The following RBMS1 variants were observed in gnomAD, a reference collection of about 807,000 sequenced individuals.
RBMS1 encodes RNA binding motif single stranded interacting protein 1, also known as RNA-binding motif, single-stranded-interacting protein 1.
RBMS1 carries 17 observed loss-of-function variants against 62.3 expected under a neutral mutation model. That is an observed-to-expected ratio of 0.27 (90% CI 0.19 to 0.41). The LOEUF is 0.41. Among genes scored for constraint, RBMS1 ranks in the 10% least tolerant of loss-of-function variants. The pLI is 1.00. For synonymous variants in RBMS1, 172 were observed against 170.0 expected, an observed-to-expected ratio of 1.01 and a Z score of -0.09; for missense variants, 334 against 504.5, an observed-to-expected ratio of 0.66 and a Z score of 3.24.
chr2:160,445,077 T>A (rs891325685), intron 1 of RBMS1, among the ~76,000 whole-genome samples: 1 of 152,180 alleles, frequency 6.6e-6, no homozygotes, highest in Non-Finnish European at 1.5e-5. Flanking sequence ...TCAGAAAGAA[T>A]AAAAGATCTA....
rs1553522139 is a variant in RBMS1, at chr2:160,424,377, GA to G, written c.76-56987del. Among the ~76,000 whole-genome samples the G allele has an allele frequency of 2.8e-3, 415 of 147,352 alleles. 4 individuals are homozygous for G. The highest frequency in any genetic ancestry group is 0.01 in the African/African-American group (394 of 38,994). ...AGAGGTGAGAGATTGGGGGGGGGGGGAAACAAAAAGAAAGATGTCTCATACT... is the reference window on the plus strand; with the variant it reads ...AGAGGTGAGAGATTGGGGGGGGGGGGAACAAAAAGAAAGATGTCTCATACT... On this transcript the variant is annotated intron_variant, in intron 1 of 13. Transcript: ENST00000348849.
intron 2 of RBMS1, among the ~76,000 whole-genome samples, chr2:160,322,095 C>G (rs1032509056): frequency 3.3e-5 from 5 of 152,222 alleles, no homozygotes; most frequent in African/African-American, 9.6e-5. Context: ...GTCCTAGACA[C>G]TGTGCCAGGT....
chr2:160,345,978 A>G (rs1692153246), intron 2 of RBMS1, among the ~76,000 whole-genome samples: 1 of 152,128 alleles, frequency 6.6e-6, no homozygotes, highest in Admixed American at 6.5e-5. Flanking sequence ...TAGTAACTTC[A>G]CTTTTCACTT....
rs924370284 is a variant in RBMS1, at chr2:160,274,111, C to A, written c.*661G>T. The A allele has an allele frequency of 6.6e-6, 1 of 152,608 alleles. No individual in the cohort carries two copies. Among genetic ancestry groups the A allele is most frequent in the African/African-American group, 2.4e-5 (1 of 41,450 alleles). The allele number at this position is 152,608 out of a possible 1,614,324, so 9.5% of individuals were successfully genotyped here. A position where few individuals can be genotyped will look rare whatever the true frequency, so the allele number is the denominator to read the frequency against. On this transcript the variant is annotated 3_prime_UTR_variant, in exon 14 of 14. Coordinates refer to ENST00000348849, the MANE Select transcript of RBMS1 (RefSeq NM_016836.4). ...CTCATTTGGTCAAAGCATTCTACAT[C>A]ATTAGTTTGAACTAACTTTTACTGA...
chr2:160,394,517 T>C (rs947601017), intron 1 of RBMS1, among the ~76,000 whole-genome samples: 1 of 152,208 alleles, frequency 6.6e-6, no homozygotes, highest in Non-Finnish European at 1.5e-5. Flanking sequence ...ACTAGATTGA[T>C]TTCTCAAGTC....
At chr2:160,437,911 A>T (rs1683179451) in intron 1 of RBMS1, among the ~76,000 whole-genome samples, 1 of 152,048 alleles carries the variant, frequency 6.6e-6, no homozygotes, top group South Asian at 2.1e-4. Flanking sequence ...AATTCTCTAA[A>T]ACAGTTTCTA....
At chr2:160,462,395 G>C (rs528150963) in intron 1 of RBMS1, among the ~76,000 whole-genome samples, 7 of 152,244 alleles carry the variant, frequency 4.6e-5, no homozygotes, top group African/African-American at 1.7e-4. Flanking sequence ...AGTCAAATTA[G>C]GGCAGAAAAG....
At chr2:160,447,526 A>G (rs946140580) in intron 1 of RBMS1, among the ~76,000 whole-genome samples, 1 of 152,254 alleles carries the variant, frequency 6.6e-6, no homozygotes, top group Non-Finnish European at 1.5e-5. Context: ...GGATACTTAT[A>G]AAAGGATAAA....
intron 1 of RBMS1, among the ~76,000 whole-genome samples, chr2:160,489,327 G>A (rs936818334): frequency 2.0e-5 from 3 of 152,100 alleles, no homozygotes; most frequent in African/African-American, 7.2e-5. Flanking sequence ...TTACCAAACT[G>A]ACATATTTTA....
chr2:160,317,379 G>T (rs557671173), intron 3 of RBMS1, among the ~76,000 whole-genome samples: 1 of 152,242 alleles, frequency 6.6e-6, no homozygotes, highest in Admixed American at 6.5e-5. Context: ...TTCAATTCAT[G>T]GGGTCAGTAG....
chr2:160,407,387 G>GC, intron 1 of RBMS1: 2 of 985,762 alleles, frequency 2.0e-6, no homozygotes, highest in Non-Finnish European at 2.4e-6. Flanking sequence ...CCGAGGAGGC[G>GC]CGGAGCCCCT....
In RBMS1 at chr2:160,493,552, TC is replaced by T; in HGVS notation, c.-190del. The stretch of plus-strand genomic sequence containing the variant: ...CTCCTCCTCCTCCTCTTCCTCCTCC[TC>T]CTCCTCCTCCTCCTCCTCTTCCTCC... On this transcript the variant is annotated 5_prime_UTR_variant, in exon 1 of 14. Coordinates refer to ENST00000348849, the MANE Select transcript of RBMS1 (RefSeq NM_016836.4). The T allele has an allele frequency of 1.6e-6, 1 of 612,678 alleles. No homozygotes were observed. The allele number at this position is 612,678 out of a possible 1,614,324, so 38.0% of individuals were successfully genotyped here.
At chr2:160,390,610 C>T (rs546074272) in intron 1 of RBMS1, among the ~76,000 whole-genome samples, 4 of 150,082 alleles carry the variant, frequency 2.7e-5, no homozygotes, top group African/African-American at 7.4e-5. Flanking sequence ...GTGGGAAGAC[C>T]GCTTAAGCCC....
intron 3 of RBMS1, among the ~76,000 whole-genome samples, chr2:160,317,101 T>G (rs1175125498): frequency 6.6e-6 from 1 of 152,230 alleles, no homozygotes; most frequent in African/African-American, 2.4e-5. Context: ...TAATGTGCCA[T>G]GTTGATTAAA....
intron 1 of RBMS1, among the ~76,000 whole-genome samples, chr2:160,454,367 G>A (rs187617530): frequency 2.6e-5 from 4 of 152,294 alleles, no homozygotes; most frequent in African/African-American, 4.8e-5. Flanking sequence ...AGATGCTAAA[G>A]ATACTAAAGA....
Position 160,491,406 on chromosome 2 carries a change from G to T in RBMS1, c.75+1883C>A, listed in dbSNP as rs140143036. On this transcript the variant is annotated intron_variant, in intron 1 of 13. Transcript: ENST00000348849. ...AAATCAATATTAAATGCTTTATGCAGGAAGCACACTTTCAGAAAATGGGCC... is the reference window on the plus strand; with the variant it reads ...AAATCAATATTAAATGCTTTATGCATGAAGCACACTTTCAGAAAATGGGCC... Among the ~76,000 whole-genome samples the T allele has an allele frequency of 8.5e-3, 1,299 of 152,318 alleles. 10 individuals carry two copies. The highest frequency in any genetic ancestry group is 0.031 in the Middle Eastern group (9 of 294).
At chr2:160,356,216 T>C (rs954914004) in intron 2 of RBMS1, among the ~76,000 whole-genome samples, 7 of 152,038 alleles carry the variant, frequency 4.6e-5, no homozygotes, top group Non-Finnish European at 8.8e-5. Flanking sequence ...AGGAGCTGAG[T>C]TTCATATGAC....
chr2:160,335,724 A>G (rs1384214700), intron 2 of RBMS1, among the ~76,000 whole-genome samples: 1 of 152,174 alleles, frequency 6.6e-6, no homozygotes. Flanking sequence ...CAGGATCTTC[A>G]TTATATACTT....
intron 6 of RBMS1, among the ~76,000 whole-genome samples, chr2:160,298,095 A>G (rs534933100): frequency 2.6e-5 from 4 of 152,236 alleles, no homozygotes; most frequent in Non-Finnish European, 5.9e-5. Context: ...TAAACTAGGC[A>G]GTGGCAGAAG....
Sources: allele counts gnomAD v4.1 joint callset (sites outside exome capture counted in the v4.1 genomes callset), GRCh38; gene constraint gnomAD v4.1.1; transcripts MANE v1.5; gene names NCBI Gene and HGNC (gene_info 2026-07-23, HGNC 2026-07-21).